Variants in FAT3 observed in about 807,000 individuals in gnomAD.
FAT3 encodes FAT atypical cadherin 3.
In FAT3, 95 loss-of-function variants were observed where a neutral mutation model predicts 310.2. The ratio of observed to expected loss-of-function variants is 0.31; its 90% confidence interval spans 0.26 to 0.36. FAT3 has a LOEUF of 0.36. FAT3 is among the 10% of genes least tolerant of loss of function. FAT3 has a pLI of 1.00. For missense variants in FAT3, 5,408 were observed against 5,715.6 expected (o/e 0.95, Z 1.74); for synonymous variants, 2,314 against 2,192.9 (o/e 1.06, Z -1.54).
At chr11:92,888,314 G>A (rs1264378947) in intron 25 of FAT3, among the ~76,000 whole-genome samples, 1 of 152,094 alleles carries the variant, frequency 6.6e-6, no homozygotes, top group African/African-American at 2.4e-5. Flanking sequence ...CTCCTCCCTA[G>A]CCAGAAGAAA....
chr11:92,691,067 G>A (rs528959589), intron 3 of FAT3, among the ~76,000 whole-genome samples: 3 of 152,212 alleles, frequency 2.0e-5, no homozygotes, highest in African/African-American at 7.2e-5. Context: ...CTGCACTGCC[G>A]GGCACAGAAC....
At chr11:92,628,930 A>C (rs920314370) in intron 3 of FAT3, among the ~76,000 whole-genome samples, 8 of 152,178 alleles carry the variant, frequency 5.3e-5, no homozygotes, top group African/African-American at 1.9e-4. Context: ...ACACTGCAGG[A>C]CTTCTTCCTT....
chr11:92,313,853 C>T (rs1400174888), intron 1 of FAT3, among the ~76,000 whole-genome samples: 6 of 152,214 alleles, frequency 3.9e-5, no homozygotes, highest in African/African-American at 1.2e-4. Flanking sequence ...CCACCGCACC[C>T]GGCCTCAAAC....
intron 2 of FAT3, among the ~76,000 whole-genome samples, chr11:92,494,216 A>G (rs1223785392): frequency 6.6e-6 from 1 of 151,908 alleles, no homozygotes; most frequent in Admixed American, 6.6e-5. Flanking sequence ...TGCCCCCATG[A>G]TCCAACCACC....
intron 1 of FAT3, among the ~76,000 whole-genome samples, chr11:92,313,853 CG>C: frequency 6.6e-6 from 1 of 152,332 alleles, no homozygotes; most frequent in South Asian, 2.1e-4. Context: ...CCACCGCACC[CG>C]GCCTCAAACC....
chr11:92,757,398 G>A (rs763406713), intron 4 of FAT3, among the ~76,000 whole-genome samples: 1 of 152,086 alleles, frequency 6.6e-6, no homozygotes, highest in African/African-American at 2.4e-5. Flanking sequence ...GAGTACACAC[G>A]GGTCACTTCT....
intron 1 of FAT3, chr11:92,336,314 A>G: frequency 2.2e-6 from 1 of 455,024 alleles, no homozygotes. Flanking sequence ...TTTTGTCCTC[A>G]GGATCTGGGT....
chr11:92,787,002 G>A (rs1048241848), intron 7 of FAT3, among the ~76,000 whole-genome samples: 6 of 152,026 alleles, frequency 3.9e-5, no homozygotes, highest in African/African-American at 1.2e-4. Flanking sequence ...TCTTTCTTGC[G>A]GGGGCTGTCC....
chr11:92,466,639 A>T (rs567730501), intron 2 of FAT3, among the ~76,000 whole-genome samples: 1 of 151,304 alleles, frequency 6.6e-6, no homozygotes, highest in Admixed American at 6.6e-5. Context: ...TGTGCAGGTT[A>T]ATTACATATG....
At chr11:92,601,625 G>A (rs1940031947) in intron 3 of FAT3, among the ~76,000 whole-genome samples, 1 of 152,038 alleles carries the variant, frequency 6.6e-6, no homozygotes, top group African/African-American at 2.4e-5. Context: ...TACAAGGCAT[G>A]CGTGTGGTAG....
chr11:92,242,196 G>A lies in FAT3; in HGVS notation c.-18+17022G>A, dbSNP rs560854154. On this transcript the variant is annotated intron_variant, in intron 1 of 27. Transcript: ENST00000525166. The stretch of plus-strand genomic sequence containing the variant: ...GATTAAGAACACAATCCTGGATTAA[G>A]GTATCGAATCAAACACAAAATTCTT... Among the ~76,000 whole-genome samples the A allele has an allele frequency of 4.2e-4, 64 of 152,140 alleles. No individual in the cohort carries two copies. In the South Asian group the frequency reaches 5.6e-3, roughly 13 times the overall value.
chr11:92,755,221 T>C (rs1945957398), intron 4 of FAT3, among the ~76,000 whole-genome samples: 1 of 151,956 alleles, frequency 6.6e-6, no homozygotes, highest in South Asian at 2.1e-4. Context: ...TAGTTTTTGT[T>C]TGTTTGTTTG....
intron 3 of FAT3, among the ~76,000 whole-genome samples, chr11:92,595,880 G>A (rs980761574): frequency 5.3e-5 from 8 of 152,216 alleles, no homozygotes; most frequent in Middle Eastern, 3.4e-3. Context: ...ACCTTCTGTC[G>A]TGCTGTCATG....
intron 2 of FAT3, among the ~76,000 whole-genome samples, chr11:92,402,060 A>C (rs1837561891): frequency 6.6e-6 from 1 of 152,250 alleles, no homozygotes; most frequent in African/African-American, 2.4e-5. Context: ...TAAAATAATT[A>C]TGTTTAATTT....
intron 2 of FAT3, among the ~76,000 whole-genome samples, chr11:92,407,673 A>G (rs1487037837): frequency 6.6e-6 from 1 of 152,144 alleles, no homozygotes; most frequent in African/African-American, 2.4e-5. Flanking sequence ...AGCATGTGTA[A>G]TTATGCTAAA....
chr11:92,576,187 T>C (rs1938475974), intron 3 of FAT3, among the ~76,000 whole-genome samples: 1 of 152,160 alleles, frequency 6.6e-6, no homozygotes, highest in Non-Finnish European at 1.5e-5. Context: ...GAGCAGTCTC[T>C]GTGTAGGTGC....
rs114474374 is a variant in FAT3 at position 92,597,111 on chromosome 11, A to G, written c.3607+72163A>G. Among the ~76,000 whole-genome samples, 1,342 of 152,306 alleles carry G rather than the reference A, an allele frequency of 8.8e-3. 27 individuals carry two copies. Among genetic ancestry groups the G allele is most frequent in the African/African-American group, 0.031 (1,277 of 41,550 alleles). ...TGTTGAAAATGTGTCTGATGTCACA[A>G]ATAACTGAGTCATTTATAGGTCATA... On this transcript the variant is annotated intron_variant, in intron 3 of 27. Transcript: ENST00000525166.
chr11:92,483,685 C>A (rs2135203263), intron 2 of FAT3, among the ~76,000 whole-genome samples: 1 of 151,376 alleles, frequency 6.6e-6, no homozygotes, highest in South Asian at 2.1e-4. Flanking sequence ...CCAAACACAT[C>A]ATATCCCTGG....
In FAT3 at chr11:92,844,420, C is replaced by T; in HGVS notation, c.11053C>T (p.Leu3685=). 1.2e-6 allele frequency: 2 copies of T among 1,613,992 alleles called. No individual in the cohort carries two copies. Among genetic ancestry groups the T allele is most frequent in the Non-Finnish European group, 1.7e-6 (2 of 1,179,894 alleles). Residue 3685 remains leucine (L), a synonymous_variant, in exon 19 of 28, where the codon CTG becomes TTG. Transcript: ENST00000525166. ...NAVLTQKQDS[L]RIISIQPVAG... ...AGTCCTCACCCAGAAGCAGGACAGC[C>T]TGCGCATCATCAGCATCCAGCCCGT...
Sources: gnomAD v4.1 joint callset for allele counts (sites outside exome capture counted in the v4.1 genomes callset) on GRCh38, gnomAD v4.1.1 for gene constraint, MANE v1.5 for transcripts, NCBI Gene and HGNC (gene_info 2026-07-23, HGNC 2026-07-21) for gene names.